Variants in APOO observed in about 807,000 individuals in gnomAD.
APOO encodes the protein MICOS complex subunit MIC26.
APOO carries 11 observed loss-of-function variants against 23.1 expected under a neutral mutation model. The ratio of observed to expected loss-of-function variants is 0.48; its 90% CI spans 0.30 to 0.79. The LOEUF is 0.79. APOO is among the 30% of genes least tolerant of loss of function. APOO has a pLI of 0.07. For missense variants in APOO, 160 were observed against 142.7 expected (o/e 1.12, Z -0.62); for synonymous variants, 59 against 54.8 (o/e 1.08, Z -0.34).
chrX:23,843,063 C>T (rs1924070270), intron 7 of APOO, among the ~76,000 whole-genome samples: 1 of 111,698 alleles, frequency 9.0e-6, no homozygotes, highest in African/African-American at 3.3e-5. Flanking sequence ...TACTTAAATA[C>T]AGTTTAGGTC....
chrX:23,894,640 G>GA, intron 1 of APOO, among the ~76,000 whole-genome samples: 1 of 109,477 alleles, frequency 9.1e-6, no homozygotes, highest in East Asian at 2.9e-4. Flanking sequence ...ACTAAAAATA[G>GA]AAAAAATTAG....
chrX:23,902,583 T>G (rs1927173214), intron 1 of APOO, among the ~76,000 whole-genome samples: 1 of 112,144 alleles, frequency 8.9e-6, no homozygotes. Flanking sequence ...GAAAAGCTGC[T>G]TCCTACAATG....
chrX:23,872,496 G>A (rs1925662878), intron 4 of APOO, among the ~76,000 whole-genome samples: 1 of 99,326 alleles, frequency 1.0e-5, no homozygotes, highest in African/African-American at 3.8e-5. Flanking sequence ...AGATAATAAG[G>A]TATCTGTCAG....
intron 3 of APOO, among the ~76,000 whole-genome samples, chrX:23,876,923 T>G (rs946041642): frequency 8.9e-6 from 1 of 112,811 alleles, no homozygotes; most frequent in African/African-American, 3.2e-5. Flanking sequence ...GGCTTTGTTC[T>G]ACCCAGGAAA....
chrX:23,884,907 C>T (rs1926302342), intron 1 of APOO, among the ~76,000 whole-genome samples: 1 of 111,331 alleles, frequency 9.0e-6, no homozygotes, highest in Non-Finnish European at 1.9e-5. Flanking sequence ...GGACATGTTC[C>T]AGAGACCGAC....
chrX:23,863,335 C>CA (rs1392329669), intron 5 of APOO, among the ~76,000 whole-genome samples: 58 of 106,712 alleles, frequency 5.4e-4, no homozygotes, highest in African/African-American at 1.6e-3. Flanking sequence ...GACTCCGTCT[C>CA]AAAAAAAAAG....
At chrX:23,881,481 G>A (rs1054256409) in intron 1 of APOO, among the ~76,000 whole-genome samples, 3 of 94,724 alleles carry the variant, frequency 3.2e-5, no homozygotes, top group Admixed American at 1.3e-4. Flanking sequence ...TGAGGCTTCA[G>A]TGAGCCATGA....
chrX:23,834,395 C>CAA (rs1215835629), intron 8 of APOO, among the ~76,000 whole-genome samples: 1,624 of 31,700 alleles, frequency 0.051, 65 homozygotes, highest in African/African-American at 0.16. Context: ...AACTCTGTCT[C>CAA]AAAAAAAAAA....
chrX:23,841,843 T>C lies in APOO; in HGVS notation c.562-1466A>G, dbSNP rs754226430. 2.1e-4 allele frequency among the ~76,000 whole-genome samples: 23 copies of C among 111,266 alleles called. 1 individual carries two copies. The highest frequency in any genetic ancestry group is 5.8e-4 in the Admixed American group (6 of 10,351). On this transcript the variant is annotated intron_variant, in intron 7 of 8. Transcript: ENST00000379226. ...ACTGGGACAAGACCTTTGCAAAATA[T>C]ACCCCACTGACCGAGACCAGACAAT...
intron 1 of APOO, among the ~76,000 whole-genome samples, chrX:23,894,029 T>A (rs1016698739): frequency 7.2e-5 from 8 of 111,860 alleles, no homozygotes; most frequent in African/African-American, 2.3e-4. Flanking sequence ...AACATTTTTT[T>A]TAAATAGATG....
At chrX:23,905,568 T>C (rs1927317374) in intron 1 of APOO, among the ~76,000 whole-genome samples, 1 of 110,938 alleles carries the variant, frequency 9.0e-6, no homozygotes, top group South Asian at 3.8e-4. Flanking sequence ...AAGTGTCCCG[T>C]CTGTGAAGCC....
Position 23,864,955 on chromosome X carries a change from G to A in APOO, c.388+3638C>T, listed in dbSNP as rs181013213. Among the ~76,000 whole-genome samples, 386 of 110,552 alleles carry A rather than the reference G, an allele frequency of 3.5e-3. 2 individuals are homozygous for A. The highest frequency in any genetic ancestry group is 0.012 in the African/African-American group (358 of 30,366). ...GGAGAGCCGAGAAGTGGCAGCTCTC[G>A]GGCCTCCAGCTCCTGCTGGTTCACA... On this transcript the variant is annotated intron_variant, in intron 5 of 8. Coordinates refer to ENST00000379226, the MANE Select transcript of APOO (RefSeq NM_024122.5).
intron 1 of APOO, among the ~76,000 whole-genome samples, chrX:23,890,560 G>A (rs952719706): frequency 3.6e-5 from 4 of 112,364 alleles, no homozygotes; most frequent in South Asian, 3.6e-4. Context: ...GTGCAGAAGC[G>A]ATACGCATTC....
intron 5 of APOO, among the ~76,000 whole-genome samples, chrX:23,863,293 G>A (rs1925179893): frequency 8.9e-6 from 1 of 111,908 alleles, no homozygotes; most frequent in Non-Finnish European, 1.9e-5. Context: ...CGGAGATTGT[G>A]ACACTGCACT....
intron 5 of APOO, among the ~76,000 whole-genome samples, chrX:23,867,550 T>C: frequency 8.9e-6 from 1 of 111,778 alleles, no homozygotes; most frequent in Non-Finnish European, 1.9e-5. Flanking sequence ...AACCTCTTTT[T>C]TTTTTCTTTT....
chrX:23,846,940 C>A (rs1373040911), intron 7 of APOO, among the ~76,000 whole-genome samples: 1 of 111,605 alleles, frequency 9.0e-6, no homozygotes, highest in Non-Finnish European at 1.9e-5. Flanking sequence ...GAAAAGACAT[C>A]TGCAAACATC....
chrX:23,861,939 G>A (rs1925065447), intron 5 of APOO, among the ~76,000 whole-genome samples: 1 of 108,932 alleles, frequency 9.2e-6, no homozygotes, highest in African/African-American at 3.3e-5. Flanking sequence ...GAGTAGCTAG[G>A]ATTACAGACA....
intron 6 of APOO, 146 bp from the exon 7 acceptor site, chrX:23,856,528 TC>T (rs1475223119): frequency 5.2e-6 from 2 of 386,663 alleles, no homozygotes; most frequent in Non-Finnish European, 8.5e-6. Flanking sequence ...AAACATGGAA[TC>T]AACCTAAATG....
intron 7 of APOO, among the ~76,000 whole-genome samples, chrX:23,854,279 G>A (rs1384607080): frequency 8.9e-6 from 1 of 111,849 alleles, no homozygotes; most frequent in Non-Finnish European, 1.9e-5. Flanking sequence ...GGCTCCCGCA[G>A]CCCTCACTTT....
Sources: allele counts gnomAD v4.1 joint callset (sites outside exome capture counted in the v4.1 genomes callset), GRCh38; gene constraint gnomAD v4.1.1; transcripts MANE v1.5; gene names NCBI Gene and HGNC (gene_info 2026-07-23, HGNC 2026-07-21).